The following MAPK12 variants were observed in gnomAD, a reference collection of about 807,000 sequenced individuals.
MAPK12 encodes the protein mitogen-activated protein kinase 12, also known as MAP kinase 12.
In MAPK12, 49 loss-of-function variants were observed where a neutral mutation model predicts 49.1. That is an observed-to-expected ratio of 1.00 (90% CI 0.79 to 1.27). MAPK12 has a LOEUF of 1.27. Ranked by LOEUF, MAPK12 falls within the 50% of genes most tolerant of loss-of-function variation. The pLI, the probability that MAPK12 is intolerant of heterozygous loss-of-function variation, is 0.00. For missense variants in MAPK12, 554 were observed against 502.4 expected, an observed-to-expected ratio of 1.10 and a Z score of -0.98; for synonymous variants, 251 against 209.7, an observed-to-expected ratio of 1.20 and a Z score of -1.70.
At chr22:50,259,908 C>G (rs2267984) in intron 2 of MAPK12, among the ~76,000 whole-genome samples, 3 of 149,068 alleles carry the variant, frequency 2.0e-5, no homozygotes, top group Non-Finnish European at 4.5e-5. Flanking sequence ...AGAAAAAAAG[C>G]CCCAGAGCGC....
Position 50,261,510 on chromosome 22 carries a change from G to T in MAPK12, c.-1C>A, listed in dbSNP as rs1269503755. The T allele has an allele frequency of 3.3e-6, 4 of 1,197,482 alleles. No homozygotes were observed. The Admixed American group carries it at 9.3e-5, about 28-fold the overall frequency. The allele number at this position is 1,197,482 out of a possible 1,614,324, so 74.2% of individuals were successfully genotyped here. Reference sequence around the variant, plus strand: ...TGCGGGCGGGCGGCGGAGAGCTCATGGCAGGCCCGGGAGCTGCCCACCCCG... The same window carrying T: ...TGCGGGCGGGCGGCGGAGAGCTCATTGCAGGCCCGGGAGCTGCCCACCCCG... On this transcript the variant is annotated 5_prime_UTR_variant, in exon 1 of 12. Transcript: ENST00000215659.
rs45606035 is a variant in MAPK12, at chr22:50,255,276, G to A, written c.945C>T (p.His315=). Reference sequence around the variant, plus strand: ...GGACCTGGGGCTCATCTTCCGTGTCGTGCAGGGACTCGAAGTAGGGATGGG... The same window carrying A: ...GGACCTGGGGCTCATCTTCCGTGTCATGCAGGGACTCGAAGTAGGGATGGG... The part of the protein sequence containing the change: ...ALAHPYFESL[H]DTEDEPQVQK... Residue 315 remains histidine (H), a synonymous_variant, in exon 11 of 12, where the codon CAC becomes CAT. Coordinates refer to ENST00000215659, the MANE Select transcript of MAPK12 (RefSeq NM_002969.6). 6,815 of 1,613,826 alleles carry A rather than the reference G, an allele frequency of 4.2e-3. 21 individuals carry two copies. Among genetic ancestry groups the A allele is most frequent in the Non-Finnish European group, 5.2e-3 (6,175 of 1,180,016 alleles).
At chr22:50,254,779 AG>A (rs2065131302) in intron 11 of MAPK12, 2 of 1,125,980 alleles carry the variant, frequency 1.8e-6, no homozygotes, top group Non-Finnish European at 2.2e-6. Flanking sequence ...ACATGGCGGA[AG>A]GGCAGCAGGT....
chr22:50,253,502 G>GTGGC, intron 11 of MAPK12, 22 bp from the exon 12 acceptor site: 2 of 171,686 alleles, frequency 1.2e-5, no homozygotes, highest in Non-Finnish European at 2.3e-5. Context: ...GGGGGGGCGG[G>GTGGC]CACAACAGAG....
chr22:50,254,998 C>T, intron 11 of MAPK12, 199 bp downstream of exon 11: 2 of 1,457,622 alleles, frequency 1.4e-6, no homozygotes, highest in Non-Finnish European at 1.8e-6. Context: ...TGACCTGCAT[C>T]CCAGGGATGG....
At position 50,255,684 on chromosome 22, in the gene MAPK12, C is replaced by T. The variant is rs757857196; in HGVS notation, c.702G>A (p.Gln234=). The T allele has an allele frequency of 1.2e-6, 2 of 1,610,282 alleles. No homozygotes were observed. The highest frequency in any genetic ancestry group is 4.5e-5 in the East Asian group (2 of 44,870). The change falls in exon 9 of 12, where the codon CAG becomes CAA. Residue 234 remains glutamine, a synonymous_variant. Coordinates refer to ENST00000215659, the MANE Select transcript of MAPK12 (RefSeq NM_002969.6). ...TLFKGSDHLD[Q]LKEIMKVTGT... The stretch of plus-strand genomic sequence containing the variant: ...CCGTCACCTTCATGATCTCCTTCAG[C>T]TGGTCCAGGTCTGCACCGAGGTCAG...
At chr22:50,254,573 A>C in intron 11 of MAPK12, 26 of 813,330 alleles carry the variant, frequency 3.2e-5, no homozygotes, top group Non-Finnish European at 3.1e-5. Flanking sequence ...AACGGTGTGT[A>C]CCCGGGAGAC....
At chr22:50,254,841 C>T (rs2065131660) in intron 11 of MAPK12, 1 of 1,179,886 alleles carries the variant, frequency 8.5e-7, no homozygotes, top group African/African-American at 1.6e-5. Flanking sequence ...CTCACAGCTG[C>T]CTTTCACCAC....
chr22:50,255,468 TG>T lies in MAPK12; in HGVS notation c.834del (p.Asn279MetfsTer7). 1 of 1,613,106 alleles carries T rather than the reference TG, an allele frequency of 6.2e-7. No homozygotes were observed. Among genetic ancestry groups the T allele is most frequent in the Non-Finnish European group, 8.5e-7 (1 of 1,180,004 alleles). The stretch of plus-strand genomic sequence containing the variant: ...CCAGCCGTACCCAGAGGGCTTGCAT[TG>T]GTCAGGATAGAGGCAAAATCCTTCT... ...LEKKDFASIL[T>X]NASPLAVNLL... On this transcript the variant is annotated frameshift_variant, in exon 10 of 12. Coordinates refer to ENST00000215659, the MANE Select transcript of MAPK12 (RefSeq NM_002969.6). LOFTEE classifies it high-confidence loss of function.
Position 50,255,308 on chromosome 22 carries a change from C to T in MAPK12, c.913G>A (p.Ala305Thr). The part of the protein sequence containing the change: ...DAEQRVTAGE[A>T]LAHPYFESLH... ...GACTCGAAGTAGGGATGGGCCAGCG[C>T]CTCGCCTGCCGTCACCCGCTGCTCC... is the stretch of plus-strand genomic sequence containing the variant. The change falls in exon 11 of 12, where the codon GCG (alanine) becomes ACG (threonine). Residue 305 changes from alanine to threonine, a missense_variant. Coordinates refer to ENST00000215659, the MANE Select transcript of MAPK12 (RefSeq NM_002969.6). 2.5e-6 allele frequency: 4 copies of T among 1,613,458 alleles called. No individual in the cohort carries two copies. The highest frequency in any genetic ancestry group is 3.4e-6 in the Non-Finnish European group (4 of 1,180,010).
chr22:50,257,914 C>T, intron 3 of MAPK12: 1 of 774,378 alleles, frequency 1.3e-6, no homozygotes, highest in Non-Finnish European at 2.4e-6. Context: ...CGGCCACACA[C>T]TTGGTGCCAG....
In MAPK12 at chr22:50,253,223, G is replaced by A. The variant is rs980159101; in HGVS notation, c.*178C>T. The A allele has an allele frequency of 1.5e-6, 1 of 655,458 alleles. No individual in the cohort carries two copies. The highest frequency in any genetic ancestry group is 2.8e-6 in the Non-Finnish European group (1 of 358,350). The allele number at this position is 655,458 out of a possible 1,614,324, so 40.6% of individuals were successfully genotyped here. On this transcript the variant is annotated 3_prime_UTR_variant, in exon 12 of 12. Coordinates refer to ENST00000215659, the MANE Select transcript of MAPK12 (RefSeq NM_002969.6). ...CCAGAAAGTTCAGGTGCTCCTCCAT[G>A]ATGGGCGCCCAAGAGCAGAGGCATG...
chr22:50,258,263 G>A lies in MAPK12; in HGVS notation c.294C>T (p.Thr98=), dbSNP rs774736968. The change falls in exon 3 of 12, where the codon ACC becomes ACT. Residue 98 remains threonine (T), a synonymous_variant. Transcript: ENST00000215659. Reference sequence around the variant, plus strand: ...CTCACAAGTCCGTGAAGTCATCCAGGGTCTCATCAGGAGTGAATACGTCCA... The same window carrying A: ...CTCACAAGTCCGTGAAGTCATCCAGAGTCTCATCAGGAGTGAATACGTCCA... The part of the protein sequence containing the change: ...GLLDVFTPDE[T]LDDFTDFYLV... The A allele has an allele frequency of 1.2e-6, 2 of 1,613,178 alleles. No individual in the cohort carries two copies. The highest frequency in any genetic ancestry group is 2.2e-5 in the East Asian group (1 of 44,884).
rs1474387101 is a variant in MAPK12 at position 50,255,635 on chromosome 22, G to A, written c.751C>T (p.Gln251Ter). The A allele has an allele frequency of 6.2e-7, 1 of 1,602,254 alleles. No homozygotes were observed. Among genetic ancestry groups the A allele is most frequent in the South Asian group, 1.1e-5 (1 of 90,822 alleles). The part of the protein sequence containing the change: ...VTGTPPAEFV[Q>*]RLQSDEAKNY... ...CTTACCTCATCGCTCTGCAGCCGCT[G>A]CACAAACTCAGCCGGAGGCGTCCCC... The change falls in exon 9 of 12, where the codon CAG becomes TAG. Residue 251 changes from glutamine to a stop codon, truncating the protein, a stop_gained. Transcript: ENST00000215659. LOFTEE classifies it high-confidence loss of function.
At chr22:50,261,140 T>G (rs2065208323) in intron 2 of MAPK12, 27 bp downstream of exon 2, 3 of 1,550,928 alleles carry the variant, frequency 1.9e-6, no homozygotes, top group African/African-American at 2.8e-5. Flanking sequence ...CCGCGGCGCC[T>G]TCCCGGAGCG....
rs563518592 is a variant in MAPK12 at position 50,253,131 on chromosome 22, A to C, written c.*270T>G. 1.6e-5 allele frequency: 8 copies of C among 499,334 alleles called. No individual in the cohort carries two copies. The East Asian group carries it at 2.9e-4, about 18-fold the overall frequency. 30.9% of individuals were successfully genotyped at this position (499,334 alleles called of 1,614,324 possible). ...CCCCACCAGCTCTGAGGTTTCTGAG[A>C]GCACCGGGCAAGTGGGCCACTGCTC... On this transcript the variant is annotated 3_prime_UTR_variant, in exon 12 of 12. Transcript: ENST00000215659.
rs781124093 is a variant in MAPK12 at position 50,261,225 on chromosome 22, A to T, written c.197T>A (p.Leu66Gln). ...KKLYRPFQSELFAKRAYRELR... is the reference protein window; with the variant it reads ...KKLYRPFQSEQFAKRAYRELR... ...CTCGCGGTAGGCGCGCTTGGCGAAC[A>T]GCTCGGACTGGAAAGGCCGATACAG... is the stretch of plus-strand genomic sequence containing the variant. Residue 66 changes from leucine (L) to glutamine (Q), a missense_variant, in exon 2 of 12, where the codon CTG becomes CAG. Physicochemically the swap from Leu to Gln is moderately radical, Grantham distance 113 (BLOSUM62 -2). Coordinates refer to ENST00000215659, the MANE Select transcript of MAPK12 (RefSeq NM_002969.6). 1 of 1,588,818 alleles carries T rather than the reference A, an allele frequency of 6.3e-7. No individual in the cohort carries two copies.
Position 50,258,320 on chromosome 22 carries a change from G to C in MAPK12, c.256-19C>G. ...CGATCACCTGGGGGGGCCACATAGG[G>C]TTGAGAATGCAGCAGAGGACACGGG... On this transcript the variant is annotated intron_variant, in intron 2 of 11. Transcript: ENST00000215659. 1 of 1,611,192 alleles carries C rather than the reference G, an allele frequency of 6.2e-7. No homozygotes were observed. The highest frequency in any genetic ancestry group is 8.5e-7 in the Non-Finnish European group (1 of 1,178,386).
Position 50,253,283 on chromosome 22 carries a change from C to T in MAPK12, c.*118G>A. 2 of 782,680 alleles carry T rather than the reference C, an allele frequency of 2.6e-6. No individual in the cohort carries two copies. The highest frequency in any genetic ancestry group is 2.7e-5 in the East Asian group (1 of 37,442). The allele number at this position is 782,680 out of a possible 1,614,324, so 48.5% of individuals were successfully genotyped here. A position where few individuals can be genotyped will look rare whatever the true frequency, so the allele number is the denominator to read the frequency against. On this transcript the variant is annotated 3_prime_UTR_variant, in exon 12 of 12. Coordinates refer to ENST00000215659, the MANE Select transcript of MAPK12 (RefSeq NM_002969.6). ...AGGAGGGTCCATGGAACCCGGGCGT[C>T]TGCTCTGATGGATGCCTTGGGATGC...
Sources: allele counts gnomAD v4.1 joint callset (sites outside exome capture counted in the v4.1 genomes callset), GRCh38; gene constraint gnomAD v4.1.1; transcripts MANE v1.5; gene names NCBI Gene and HGNC (gene_info 2026-07-23, HGNC 2026-07-21).